Variants in SAMD4A observed in about 807,000 individuals in gnomAD.
SAMD4A encodes the protein protein Smaug homolog 1.
SAMD4A carries 33 observed loss-of-function variants against 81.3 expected under a neutral mutation model. That is an observed-to-expected ratio of 0.41 (90% CI 0.31 to 0.54). The LOEUF (loss-of-function observed/expected upper bound fraction) is 0.54, where lower values mean the gene tolerates loss of function less well. Among genes scored for constraint, SAMD4A ranks in the 20% least tolerant of loss-of-function variants. The pLI, the probability that SAMD4A is intolerant of heterozygous loss-of-function variation, is 0.37. For synonymous variants in SAMD4A, 389 were observed against 382.1 expected, an observed-to-expected ratio of 1.02 and a Z score of -0.21; for missense variants, 854 against 951.1, an observed-to-expected ratio of 0.90 and a Z score of 1.34.
At chr14:54,615,870 G>A (rs1023777907) in intron 2 of SAMD4A, among the ~76,000 whole-genome samples, 7 of 151,936 alleles carry the variant, frequency 4.6e-5, no homozygotes, top group African/African-American at 1.7e-4. Context: ...ATTTTAATAC[G>A]TATAGGGACC....
At chr14:54,674,532 ATACTGGTGTGGTTTC>A (rs1041848647) in intron 2 of SAMD4A, among the ~76,000 whole-genome samples, 5 of 151,752 alleles carry the variant, frequency 3.3e-5, no homozygotes, top group East Asian at 3.9e-4. Context: ...ACTGGTGTAG[ATACTGGTGTGGTTTC>A]TACTGGTGTG....
At chr14:54,733,565 A>G (rs2037612771) in intron 3 of SAMD4A, among the ~76,000 whole-genome samples, 1 of 152,216 alleles carries the variant, frequency 6.6e-6, no homozygotes, top group Admixed American at 6.5e-5. Context: ...TGCAGTATAA[A>G]TTGAGGACCT....
chr14:54,688,132 G>A (rs557077225), intron 2 of SAMD4A: 120 of 985,400 alleles, frequency 1.2e-4, no homozygotes, highest in African/African-American at 6.6e-4. Context: ...GCTCAGCTCC[G>A]TATAACCTGG....
chr14:54,757,247 C>T (rs532162402), intron 6 of SAMD4A, among the ~76,000 whole-genome samples: 2 of 152,268 alleles, frequency 1.3e-5, no homozygotes, highest in African/African-American at 4.8e-5. Flanking sequence ...GATGAGCTAA[C>T]TGATTGTAAG....
intron 6 of SAMD4A, chr14:54,754,786 T>C: frequency 1.0e-6 from 1 of 984,376 alleles, no homozygotes; most frequent in Non-Finnish European, 1.2e-6. Context: ...AGTTAGTTCA[T>C]AATCAGTGGT....
chr14:54,662,701 A>G (rs1427412896), intron 2 of SAMD4A, among the ~76,000 whole-genome samples: 1 of 151,986 alleles, frequency 6.6e-6, no homozygotes, highest in Non-Finnish European at 1.5e-5. Context: ...TTCCTGAGCC[A>G]CTGCACCCAG....
rs570381928 is a variant in SAMD4A at position 54,672,651 on chromosome 14, A to G, written c.197-29411A>G. 3.8e-4 allele frequency among the ~76,000 whole-genome samples: 58 copies of G among 152,326 alleles called. 1 individual carries two copies. Among genetic ancestry groups the G allele is most frequent in the African/African-American group, 1.3e-3 (56 of 41,584 alleles). ...TTTAAATCTAACTTATTAGACAAGAATAGTATTATTTTTTAAGGGTTATAA... is the reference window on the plus strand; with the variant it reads ...TTTAAATCTAACTTATTAGACAAGAGTAGTATTATTTTTTAAGGGTTATAA... On this transcript the variant is annotated intron_variant, in intron 2 of 12. Coordinates refer to ENST00000554335, the MANE Select transcript of SAMD4A (RefSeq NM_015589.6).
At chr14:54,580,918 T>A (rs1010196570) in intron 2 of SAMD4A, among the ~76,000 whole-genome samples, 8 of 152,150 alleles carry the variant, frequency 5.3e-5, no homozygotes, top group African/African-American at 1.9e-4. Flanking sequence ...ACCATCTAGG[T>A]TGTGAGATAA....
At chr14:54,608,395 G>A (rs911575208) in intron 2 of SAMD4A, among the ~76,000 whole-genome samples, 1 of 152,058 alleles carries the variant, frequency 6.6e-6, no homozygotes, top group Admixed American at 6.5e-5. Context: ...ATTACTTTTT[G>A]TTATATACTG....
intron 7 of SAMD4A, 124 bp downstream of exon 7, chr14:54,760,618 CT>C: frequency 7.5e-7 from 1 of 1,334,216 alleles, no homozygotes; most frequent in Non-Finnish European, 9.5e-7. Context: ...TTAGCTTCAT[CT>C]TACAGATAGG....
At chr14:54,710,196 C>T (rs879104857) in intron 3 of SAMD4A, among the ~76,000 whole-genome samples, 1 of 152,212 alleles carries the variant, frequency 6.6e-6, no homozygotes, top group Non-Finnish European at 1.5e-5. Context: ...AGATTCATGG[C>T]ACATTGTGGA....
chr14:54,712,053 C>T (rs947603618), intron 3 of SAMD4A, among the ~76,000 whole-genome samples: 1 of 152,140 alleles, frequency 6.6e-6, no homozygotes, highest in Non-Finnish European at 1.5e-5. Context: ...GAGGGAGAGA[C>T]ACCAGGCAGC....
chr14:54,700,471 G>A (rs2036686918), intron 2 of SAMD4A, among the ~76,000 whole-genome samples: 1 of 152,180 alleles, frequency 6.6e-6, no homozygotes, highest in Non-Finnish European at 1.5e-5. Context: ...ACAGGCTGAT[G>A]CATTTGTAGC....
intron 2 of SAMD4A, among the ~76,000 whole-genome samples, chr14:54,607,228 T>A (rs2034231674): frequency 6.8e-6 from 1 of 146,440 alleles, no homozygotes; most frequent in Non-Finnish European, 1.5e-5. Flanking sequence ...GATGGGAACG[T>A]AGCCCTCTGA....
At chr14:54,706,974 A>C (rs1160518770) in intron 3 of SAMD4A, among the ~76,000 whole-genome samples, 1 of 152,208 alleles carries the variant, frequency 6.6e-6, no homozygotes, top group African/African-American at 2.4e-5. Flanking sequence ...AGAGTCAGCA[A>C]GTTTCAAAGT....
intron 2 of SAMD4A, among the ~76,000 whole-genome samples, chr14:54,651,098 G>A (rs1384482026): frequency 6.6e-6 from 1 of 152,118 alleles, no homozygotes; most frequent in African/African-American, 2.4e-5. Flanking sequence ...TGATAGTGAG[G>A]AACTGTAAAT....
intron 10 of SAMD4A, 87 bp from the exon 11 acceptor site, chr14:54,776,327 C>A (rs1594932022): frequency 1.1e-5 from 16 of 1,418,074 alleles, no homozygotes; most frequent in African/African-American, 1.5e-5. Flanking sequence ...CTCCTGGGAT[C>A]TTTGCCTCCC....
intron 2 of SAMD4A, among the ~76,000 whole-genome samples, chr14:54,631,269 T>C (rs1282252753): frequency 6.6e-6 from 1 of 152,248 alleles, no homozygotes; most frequent in Non-Finnish European, 1.5e-5. Context: ...AGGCCACTGA[T>C]ATAAATGTTA....
intron 3 of SAMD4A, among the ~76,000 whole-genome samples, chr14:54,733,349 G>A (rs530814521): frequency 3.0e-5 from 3 of 99,626 alleles, no homozygotes; most frequent in South Asian, 3.1e-4. Context: ...GTGTATATAC[G>A]GATCTAAAAT....
Sources: gnomAD v4.1 joint callset for allele counts (sites outside exome capture counted in the v4.1 genomes callset) on GRCh38, gnomAD v4.1.1 for gene constraint, MANE v1.5 for transcripts, NCBI Gene and HGNC (gene_info 2026-07-23, HGNC 2026-07-21) for gene names.